SH3BP5: variants seen among roughly 807,000 people sequenced by gnomAD.
The protein encoded by SH3BP5 is SH3 domain binding protein 5.
Under a neutral mutation model 43.3 loss-of-function variants are expected in SH3BP5, and 22 were observed. The observed-to-expected ratio is 0.51, with a 90% confidence interval of 0.36 to 0.73. The LOEUF (loss-of-function observed/expected upper bound fraction) is 0.73, where lower values mean the gene tolerates loss of function less well. Among genes scored for constraint, SH3BP5 ranks in the 30% least tolerant of loss-of-function variants. The probability of loss-of-function intolerance (pLI) is 0.00; values close to 1 mark genes in which losing one functional copy is unlikely to be tolerated. For synonymous variants in SH3BP5, 255 were observed against 225.8 expected, an observed-to-expected ratio of 1.13 and a Z score of -1.16; for missense variants, 529 against 586.9, an observed-to-expected ratio of 0.90 and a Z score of 1.02.
At chr3:15,329,613 T>C (rs1698559426) in intron 2 of SH3BP5, among the ~76,000 whole-genome samples, 1 of 152,222 alleles carries the variant, frequency 6.6e-6, no homozygotes, top group Non-Finnish European at 1.5e-5. Flanking sequence ...ATTATATTCC[T>C]ATCTCCCACA....
upstream of SH3BP5, among the ~76,000 whole-genome samples, chr3:15,337,084 GTTTTT>G (rs374056927): frequency 2.0e-5 from 2 of 100,112 alleles, no homozygotes; most frequent in African/African-American, 8.0e-5. Context: ...TTTTAGTTTA[GTTTTT>G]TTTTTTTTTT....
chr3:15,329,369 G>A (rs970931832), intron 2 of SH3BP5, among the ~76,000 whole-genome samples: 4 of 152,166 alleles, frequency 2.6e-5, no homozygotes, highest in Admixed American at 2.0e-4. Context: ...CCACATCACA[G>A]ACAGACTCAA....
intron 3 of SH3BP5, among the ~76,000 whole-genome samples, chr3:15,291,908 GGAA>G (rs1198982787): frequency 7.9e-5 from 12 of 152,162 alleles, no homozygotes; most frequent in African/African-American, 2.9e-4. Flanking sequence ...GAAGGGCTGG[GGAA>G]GAAGTAGAAA....
At chr3:15,283,286 T>C (rs1697177699) in intron 3 of SH3BP5, among the ~76,000 whole-genome samples, 1 of 152,068 alleles carries the variant, frequency 6.6e-6, no homozygotes, top group South Asian at 2.1e-4. Context: ...TAGTCCGAGC[T>C]ACTCAGGTGA....
rs1464025531 is a variant in SH3BP5, at chr3:15,254,981, T to C, written c.*1105A>G. 1 of 152,384 alleles carries C rather than the reference T, an allele frequency of 6.6e-6. No homozygotes were observed. Among genetic ancestry groups the C allele is most frequent in the African/African-American group, 2.4e-5 (1 of 41,452 alleles). The allele number at this position is 152,384 out of a possible 1,614,324, so 9.4% of individuals were successfully genotyped here. On this transcript the variant is annotated 3_prime_UTR_variant, in exon 9 of 9. Transcript: ENST00000383791. ...AAGAGATTTACAAATGACTAAAATA[T>C]ACAGGCTGTGACAGAATTAACAGTT...
At chr3:15,260,338 G>A (rs1696389171) in intron 5 of SH3BP5, 1 of 159,506 alleles carries the variant, frequency 6.3e-6, no homozygotes, top group African/African-American at 2.4e-5. Context: ...CCCAAACCTT[G>A]TCCAAAGACT....
chr3:15,262,177 C>T lies in SH3BP5; in HGVS notation c.608G>A (p.Arg203Lys), dbSNP rs1176590079. The T allele has an allele frequency of 1.9e-6, 3 of 1,613,978 alleles. No individual in the cohort carries two copies. Among genetic ancestry groups the T allele is most frequent in the Non-Finnish European group, 2.5e-6 (3 of 1,180,018 alleles). Residue 203 changes from arginine to lysine, a missense_variant, in exon 5 of 9, where the codon AGA becomes AAA. This residue lies in a region of SH3BP5 where 369 missense variants were observed against 384.3 expected (regional missense o/e 0.96). Coordinates refer to ENST00000383791, the MANE Select transcript of SH3BP5 (RefSeq NM_004844.5). ...RMRQLEKKLK[R>K]AINKSKPYFE... Reference sequence around the variant, plus strand: ...GACTTACTTGGACTTGTTGATGGCTCTCTTGAGTTTCTTCTCCAGCTGTCG... The same window carrying T: ...GACTTACTTGGACTTGTTGATGGCTTTCTTGAGTTTCTTCTCCAGCTGTCG...
chr3:15,316,311 G>A (rs796164609), intron 2 of SH3BP5, among the ~76,000 whole-genome samples: 13 of 127,598 alleles, frequency 1.0e-4, no homozygotes, highest in South Asian at 5.5e-4. Flanking sequence ...TGCAACCTCC[G>A]CCTCCCGGGT....
chr3:15,258,752 C>T, intron 7 of SH3BP5, 79 bp downstream of exon 7: 1 of 1,295,424 alleles, frequency 7.7e-7, no homozygotes, highest in Non-Finnish European at 1.1e-6. Context: ...TCACTGATGG[C>T]CAGAGAAAGT....
intron 3 of SH3BP5, among the ~76,000 whole-genome samples, chr3:15,301,983 C>T (rs944729634): frequency 6.6e-6 from 1 of 152,210 alleles, no homozygotes; most frequent in Non-Finnish European, 1.5e-5. Flanking sequence ...AATAGATACG[C>T]GTGGGCTAAA....
At chr3:15,266,416 C>G (rs943086856) in intron 4 of SH3BP5, among the ~76,000 whole-genome samples, 8 of 152,176 alleles carry the variant, frequency 5.3e-5, no homozygotes, top group African/African-American at 1.7e-4. Context: ...ACAGTTCGTG[C>G]CTCTCATTTC....
chr3:15,320,640 A>ACACACACACACACC (rs373879792), intron 2 of SH3BP5, among the ~76,000 whole-genome samples: 83 of 149,666 alleles, frequency 5.5e-4, no homozygotes, highest in Middle Eastern at 3.4e-3. Flanking sequence ...ACACACACAC[A>ACACACACACACACC]CCCCACTACG....
intron 3 of SH3BP5, among the ~76,000 whole-genome samples, chr3:15,271,045 T>C (rs1378610411): frequency 6.6e-6 from 1 of 150,792 alleles, no homozygotes; most frequent in African/African-American, 2.4e-5. Flanking sequence ...TATGATGAAA[T>C]AATATTTTGG....
At chr3:15,315,312 T>C (rs912064574) in intron 2 of SH3BP5, among the ~76,000 whole-genome samples, 1 of 152,160 alleles carries the variant, frequency 6.6e-6, no homozygotes, top group African/African-American at 2.4e-5. Context: ...CCCTTTAATT[T>C]AAGCTATTTG....
intron 3 of SH3BP5, among the ~76,000 whole-genome samples, chr3:15,299,757 T>A (rs778733501): frequency 1.8e-4 from 28 of 152,156 alleles, no homozygotes; most frequent in Non-Finnish European, 3.8e-4. Context: ...AAATCAAGTG[T>A]GGGAGGTTTT....
At chr3:15,288,566 T>C (rs1304294069) in intron 3 of SH3BP5, among the ~76,000 whole-genome samples, 1 of 152,176 alleles carries the variant, frequency 6.6e-6, no homozygotes, top group African/African-American at 2.4e-5. Flanking sequence ...AAGACCAGCC[T>C]GTGGAACATG....
upstream of SH3BP5, chr3:15,332,956 A>G (rs1698653999): frequency 8.3e-6 from 4 of 480,604 alleles, no homozygotes; most frequent in Non-Finnish European, 8.1e-6. Flanking sequence ...CCGAAACCCT[A>G]TACCCAAAGC....
At chr3:15,304,394 CA>C (rs1697839286) in intron 2 of SH3BP5, 163 bp from the exon 3 acceptor site, 1 of 1,078,038 alleles carries the variant, frequency 9.3e-7, no homozygotes, top group Non-Finnish European at 1.4e-6. Flanking sequence ...CCGCCCAAAA[CA>C]GCTTCCTGCC....
intron 2 of SH3BP5, among the ~76,000 whole-genome samples, chr3:15,320,066 T>C (rs1034768390): frequency 3.9e-5 from 6 of 152,210 alleles, no homozygotes; most frequent in African/African-American, 1.4e-4. Flanking sequence ...ACATTAAATC[T>C]GTGCACTTCA....
Sources: gnomAD v4.1 joint callset for allele counts (sites outside exome capture counted in the v4.1 genomes callset) on GRCh38, gnomAD v4.1.1 for gene constraint, gnomAD v4.1.1 regional missense constraint, MANE v1.5 for transcripts, NCBI Gene and HGNC (gene_info 2026-07-23, HGNC 2026-07-21) for gene names.